Variants in TBC1D9 observed in about 807,000 individuals in gnomAD.
TBC1D9 encodes the protein TBC1 domain family member 9A.
In TBC1D9, 63 loss-of-function variants were observed where a neutral mutation model predicts 132.0. The observed-to-expected ratio is 0.48, with a 90% CI of 0.39 to 0.59. TBC1D9 has a LOEUF of 0.59. Among genes scored for constraint, TBC1D9 ranks in the 20% least tolerant of loss-of-function variants. The pLI is 0.00. For missense variants in TBC1D9, 1,261 were observed against 1,592.7 expected, an observed-to-expected ratio of 0.79 and a Z score of 3.54; for synonymous variants, 610 against 609.9, an observed-to-expected ratio of 1.00 and a Z score of 0.00.
At chr4:140,643,771 G>C in intron 13 of TBC1D9, 1 of 978,466 alleles carries the variant, frequency 1.0e-6, no homozygotes, top group African/African-American at 1.6e-5. Flanking sequence ...GCAAAGTCTG[G>C]GCACTCAGAG....
chr4:140,730,586 G>A (rs559966471), intron 1 of TBC1D9, among the ~76,000 whole-genome samples: 1 of 152,232 alleles, frequency 6.6e-6, no homozygotes, highest in Non-Finnish European at 1.5e-5. Context: ...AATTAGCCAG[G>A]TGTGGTGGTG....
chr4:140,643,763 A>G (rs1737051136), intron 13 of TBC1D9: 3 of 1,058,744 alleles, frequency 2.8e-6, no homozygotes, highest in Admixed American at 4.2e-5. Context: ...GCCCCTCCGC[A>G]AAGTCTGGGC....
At chr4:140,652,244 T>TAA (rs879361102) in intron 13 of TBC1D9, among the ~76,000 whole-genome samples, 6 of 94,964 alleles carry the variant, frequency 6.3e-5, no homozygotes, top group African/African-American at 1.1e-4. Context: ...CTGTCTCAAA[T>TAA]AAAAAAAAAA....
chr4:140,645,470 C>T, intron 13 of TBC1D9: 2 of 399,588 alleles, frequency 5.0e-6, no homozygotes, highest in South Asian at 3.7e-5. Context: ...GGCCCCTGCC[C>T]ACTGCTATCA....
chr4:140,625,976 G>A (rs981817646), intron 18 of TBC1D9, among the ~76,000 whole-genome samples: 2 of 152,088 alleles, frequency 1.3e-5, no homozygotes, highest in Non-Finnish European at 2.9e-5. Context: ...AGCATCTTTG[G>A]CACTGGAAAA....
At chr4:140,675,331 A>G (rs1737606900) in intron 6 of TBC1D9, among the ~76,000 whole-genome samples, 1 of 152,218 alleles carries the variant, frequency 6.6e-6, no homozygotes, top group African/African-American at 2.4e-5. Flanking sequence ...TAAAGAAGGC[A>G]GAGAGAAACC....
chr4:140,667,648 C>T (rs1737468885), intron 9 of TBC1D9, among the ~76,000 whole-genome samples: 2 of 152,088 alleles, frequency 1.3e-5, no homozygotes, highest in Admixed American at 1.3e-4. Flanking sequence ...ACTATCATCC[C>T]AGCACCTGGG....
At chr4:140,689,870 TC>T (rs1737850607) in intron 2 of TBC1D9, among the ~76,000 whole-genome samples, 1 of 148,464 alleles carries the variant, frequency 6.7e-6, no homozygotes. Context: ...CACCTCAGTC[TC>T]CCCAGTAGCT....
chr4:140,711,403 T>C (rs1034721041), intron 1 of TBC1D9, among the ~76,000 whole-genome samples: 11 of 152,284 alleles, frequency 7.2e-5, no homozygotes, highest in African/African-American at 2.6e-4. Flanking sequence ...TCTAAGAGAT[T>C]AGCTATATCA....
intron 1 of TBC1D9, among the ~76,000 whole-genome samples, chr4:140,754,285 T>C (rs1434801443): frequency 6.6e-6 from 1 of 152,154 alleles, no homozygotes; most frequent in Non-Finnish European, 1.5e-5. Flanking sequence ...TTTACTACAA[T>C]AAATTATCTA....
intron 13 of TBC1D9, chr4:140,644,238 TC>T: frequency 3.1e-6 from 1 of 318,818 alleles, no homozygotes; most frequent in Non-Finnish European, 6.2e-6. Context: ...GGCTTCCTTA[TC>T]CAACTCCAAG....
chr4:140,726,114 C>A (rs1262713233), intron 1 of TBC1D9, among the ~76,000 whole-genome samples: 1 of 151,978 alleles, frequency 6.6e-6, no homozygotes, highest in African/African-American at 2.4e-5. Context: ...TATGGCAAAA[C>A]CCCGTCTCTA....
intron 3 of TBC1D9, among the ~76,000 whole-genome samples, chr4:140,681,413 C>T (rs1053599417): frequency 2.0e-5 from 3 of 152,114 alleles, no homozygotes; most frequent in South Asian, 2.1e-4. Context: ...ACCCTGTTGC[C>T]GGTAGTTGTG....
At chr4:140,643,279 T>C in intron 13 of TBC1D9, 11 of 1,301,344 alleles carry the variant, frequency 8.5e-6, no homozygotes, top group Non-Finnish European at 1.2e-5. Context: ...AGCAGGGTGA[T>C]GCCGTGCAGA....
At chr4:140,636,001 T>G (rs780625118) in intron 15 of TBC1D9, among the ~76,000 whole-genome samples, 1 of 152,128 alleles carries the variant, frequency 6.6e-6, no homozygotes, top group Non-Finnish European at 1.5e-5. Flanking sequence ...CTACATCGGT[T>G]GACAAAGGTT....
chr4:140,641,408 C>T (rs531095447), intron 13 of TBC1D9, among the ~76,000 whole-genome samples: 1 of 152,322 alleles, frequency 6.6e-6, no homozygotes, highest in African/African-American at 2.4e-5. Context: ...TTATCACCTC[C>T]ACTTTTTGTT....
intron 1 of TBC1D9, among the ~76,000 whole-genome samples, chr4:140,754,470 C>G (rs1738972629): frequency 6.6e-6 from 1 of 151,606 alleles, no homozygotes; most frequent in Non-Finnish European, 1.5e-5. Context: ...AAAAAATTAG[C>G]CGGGCGGGTT....
Position 140,676,908 on chromosome 4 carries a change from T to G in TBC1D9, c.1045A>C (p.Ile349Leu). The change falls in exon 6 of 21, where the codon ATC (isoleucine) becomes CTC (leucine). Residue 349 changes from isoleucine to leucine, a missense_variant. By Grantham distance (5) the Ile-to-Leu change is conservative. Around this residue, in one of 3 missense-constraint regions of TBC1D9, gnomAD observed 550 missense variants for 699.0 expected, o/e 0.79. Transcript: ENST00000442267. ...CAGATACTTACCTCACGGAGCGGGA[T>G]AATGAGGCTACATAAGTTCTCCTCC... is the stretch of plus-strand genomic sequence containing the variant. ...SKEENLCSLI[I>L]PLREVTIVEK... is the part of the protein sequence containing the mutation. The G allele has an allele frequency of 6.2e-7, 1 of 1,613,982 alleles. No homozygotes were observed. The highest frequency in any genetic ancestry group is 8.5e-7 in the Non-Finnish European group (1 of 1,179,858).
chr4:140,688,231 A>G (rs977439264), intron 2 of TBC1D9, among the ~76,000 whole-genome samples: 5 of 152,244 alleles, frequency 3.3e-5, no homozygotes, highest in Non-Finnish European at 2.9e-5. Context: ...AAGCAGTGGG[A>G]TAACTGTCCT....
Sources: gnomAD v4.1 joint callset for allele counts (sites outside exome capture counted in the v4.1 genomes callset) on GRCh38, gnomAD v4.1.1 for gene constraint, gnomAD v4.1.1 regional missense constraint, MANE v1.5 for transcripts, NCBI Gene and HGNC (gene_info 2026-07-23, HGNC 2026-07-21) for gene names.